PTPRD: variants seen among roughly 807,000 people sequenced by gnomAD.
PTPRD encodes protein tyrosine phosphatase receptor type D.
In PTPRD, 34 loss-of-function variants were observed where a neutral mutation model predicts 214.5. The ratio of observed to expected loss-of-function variants is 0.16; its 90% CI spans 0.12 to 0.21. The LOEUF (loss-of-function observed/expected upper bound fraction) is 0.21, where lower values mean the gene tolerates loss of function less well. Ranked by LOEUF, PTPRD falls within the 10% of genes least tolerant of loss-of-function variation. The pLI is 1.00. For missense variants in PTPRD, 2,545 were observed against 2,398.7 expected (o/e 1.06, Z -1.27); for synonymous variants, 1,128 against 845.7 (o/e 1.33, Z -5.79).
rs2098990290 is a variant in PTPRD, at chr9:9,794,603, A to C, written c.-367-27752T>G. On this transcript the variant is annotated intron_variant, in intron 5 of 45. Transcript: ENST00000381196. ...CTTTAAAGAGATGAGTCTTGATGAT[A>C]ATCATGACTAACATTGTTTGTCGAC... 2.0e-5 allele frequency among the ~76,000 whole-genome samples: 3 copies of C among 152,064 alleles called. No individual in the cohort carries two copies. The South Asian group carries it at 6.2e-4, about 32-fold the overall frequency.
chr9:8,636,217 C>G (rs189518576), intron 13 of PTPRD, among the ~76,000 whole-genome samples: 1 of 152,272 alleles, frequency 6.6e-6, no homozygotes, highest in African/African-American at 2.4e-5. Context: ...CTCTTTCATT[C>G]TAAGCCATGC....
At chr9:9,419,847 T>C (rs2078143180) in intron 8 of PTPRD, among the ~76,000 whole-genome samples, 1 of 151,748 alleles carries the variant, frequency 6.6e-6, no homozygotes, top group African/African-American at 2.4e-5. Context: ...TAATATCATA[T>C]GCATTTAAGA....
intron 3 of PTPRD, among the ~76,000 whole-genome samples, chr9:10,097,848 C>T (rs2098507555): frequency 6.6e-6 from 1 of 151,662 alleles, no homozygotes; most frequent in Non-Finnish European, 1.5e-5. Flanking sequence ...CAGCTTTTGT[C>T]CATTCAGTAT....
chr9:9,086,785 G>GA (rs2099767677), intron 10 of PTPRD, among the ~76,000 whole-genome samples: 1 of 151,980 alleles, frequency 6.6e-6, no homozygotes, highest in Non-Finnish European at 1.5e-5. Flanking sequence ...TTTAAAATGT[G>GA]AACAAAGATG....
chr9:8,783,982 C>T (rs1025514439), intron 11 of PTPRD, among the ~76,000 whole-genome samples: 9 of 152,244 alleles, frequency 5.9e-5, no homozygotes, highest in East Asian at 1.9e-4. Context: ...AAGGGTTGTG[C>T]GCCTGACCTC....
intron 3 of PTPRD, among the ~76,000 whole-genome samples, chr9:10,270,049 A>ATTAAAAG (rs973302204): frequency 4.5e-4 from 68 of 152,198 alleles, no homozygotes; most frequent in African/African-American, 1.6e-3. Context: ...TGATAATGAG[A>ATTAAAAG]TTAAAAGTTG....
In PTPRD at chr9:8,764,045, G is replaced by A. The variant is rs570153699; in HGVS notation, c.-103-30099C>T. On this transcript the variant is annotated intron_variant, in intron 11 of 45. Coordinates refer to ENST00000381196, the MANE Select transcript of PTPRD (RefSeq NM_002839.4). ...ATAATGAAATGCAAATATTATAAGT[G>A]AAGGGAGTGTTAATTACTTCAAAAT... Among the ~76,000 whole-genome samples the A allele has an allele frequency of 1.4e-4, 22 of 152,292 alleles. No homozygotes were observed. The South Asian group carries it at 4.6e-3, about 32-fold the overall frequency.
At chr9:9,001,207 T>C (rs10511519) in intron 11 of PTPRD, among the ~76,000 whole-genome samples, 39,217 of 151,944 alleles carry the variant, frequency 0.26, 6,011 homozygotes, top group Middle Eastern at 0.35. Flanking sequence ...TTCTAGGTCC[T>C]GGGGTTGCAG....
intron 12 of PTPRD, among the ~76,000 whole-genome samples, chr9:8,646,309 T>G (rs1222573897): frequency 1.3e-5 from 2 of 152,236 alleles, no homozygotes; most frequent in Non-Finnish European, 2.9e-5. Context: ...CTTTTCGTTC[T>G]TTGAGTTTTG....
chr9:10,211,247 G>C (rs1019333600), intron 3 of PTPRD, among the ~76,000 whole-genome samples: 2 of 152,024 alleles, frequency 1.3e-5, no homozygotes, highest in African/African-American at 2.4e-5. Context: ...TGATTTAAGT[G>C]CCTGAAGAGC....
chr9:9,142,718 T>A (rs2099862443), intron 10 of PTPRD, among the ~76,000 whole-genome samples: 1 of 152,244 alleles, frequency 6.6e-6, no homozygotes. Flanking sequence ...TCAGAATTTC[T>A]GACTCCTGTA....
At chr9:10,513,068 TGAG>T (rs948748909) in intron 2 of PTPRD, among the ~76,000 whole-genome samples, 3 of 152,184 alleles carry the variant, frequency 2.0e-5, no homozygotes, top group African/African-American at 7.2e-5. Context: ...GAAAAATAGC[TGAG>T]GAGAAGATGA....
chr9:8,655,297 G>T (rs1157586457), intron 12 of PTPRD, among the ~76,000 whole-genome samples: 1 of 152,152 alleles, frequency 6.6e-6, no homozygotes, highest in Non-Finnish European at 1.5e-5. Flanking sequence ...CCTCTTTGGG[G>T]AAATGTGTTT....
At chr9:10,395,043 C>G (rs925645417) in intron 2 of PTPRD, among the ~76,000 whole-genome samples, 1 of 150,086 alleles carries the variant, frequency 6.7e-6, no homozygotes, top group Non-Finnish European at 1.5e-5. Flanking sequence ...TCTCCTACCG[C>G]TTGGTAAATG....
At chr9:9,379,506 T>C (rs1244721893) in intron 9 of PTPRD, among the ~76,000 whole-genome samples, 1 of 151,966 alleles carries the variant, frequency 6.6e-6, no homozygotes, top group African/African-American at 2.4e-5. Flanking sequence ...TTCAACATTC[T>C]GTTTGCCATT....
intron 2 of PTPRD, among the ~76,000 whole-genome samples, chr9:10,369,434 A>G (rs1166279142): frequency 6.6e-6 from 1 of 151,966 alleles, no homozygotes; most frequent in East Asian, 1.9e-4. Context: ...GTAGTGAGAG[A>G]ACAAAGAAAG....
intron 12 of PTPRD, among the ~76,000 whole-genome samples, chr9:8,722,123 CTGTGTG>C (rs34720946): frequency 0.35 from 51,137 of 147,304 alleles, 8,686 homozygotes; most frequent in Middle Eastern, 0.38. Context: ...AAGTATTACT[CTGTGTG>C]TGTGTGTGTG....
At position 10,277,808 on chromosome 9, in the gene PTPRD, T is replaced by C. The variant is rs185682867; in HGVS notation, c.-545+63155A>G. 8.5e-5 allele frequency among the ~76,000 whole-genome samples: 13 copies of C among 152,212 alleles called. No homozygotes were observed. In the East Asian group the frequency reaches 2.5e-3, roughly 29 times the overall value. ...AAAACTAAATCCTTCCCCAAGGAGATTCTGAGGAGATTCTGGCAACTGGCC... is the reference window on the plus strand; with the variant it reads ...AAAACTAAATCCTTCCCCAAGGAGACTCTGAGGAGATTCTGGCAACTGGCC... On this transcript the variant is annotated intron_variant, in intron 3 of 45. Coordinates refer to ENST00000381196, the MANE Select transcript of PTPRD (RefSeq NM_002839.4).
intron 10 of PTPRD, among the ~76,000 whole-genome samples, chr9:9,023,989 T>C (rs1463768638): frequency 2.0e-5 from 3 of 151,954 alleles, no homozygotes; most frequent in Non-Finnish European, 4.4e-5. Context: ...ATAATACAAA[T>C]TTTTATTTTT....
Sources: gnomAD v4.1 joint callset for allele counts (sites outside exome capture counted in the v4.1 genomes callset) on GRCh38, gnomAD v4.1.1 for gene constraint, MANE v1.5 for transcripts, NCBI Gene and HGNC (gene_info 2026-07-23, HGNC 2026-07-21) for gene names.